RTN3: variants seen among roughly 807,000 people sequenced by gnomAD.
RTN3 encodes the protein reticulon-3.
A neutral mutation model predicts 77.8 loss-of-function variants in RTN3; 49 were observed. The observed-to-expected ratio is 0.63, with a 90% CI of 0.50 to 0.80. The LOEUF is 0.80. Ranked by LOEUF, RTN3 falls within the 30% of genes least tolerant of loss-of-function variation. The pLI is 0.00. For synonymous variants in RTN3, 464 were observed against 446.9 expected (o/e 1.04, Z -0.48); for missense variants, 1,236 against 1,211.9 (o/e 1.02, Z -0.29).
chr11:63,692,739 T>A (rs1478515877), intron 1 of RTN3, among the ~76,000 whole-genome samples: 1 of 150,930 alleles, frequency 6.6e-6, no homozygotes, highest in Admixed American at 6.6e-5. Flanking sequence ...TCAGCCTGGG[T>A]GACAGAGCGA....
intron 2 of RTN3, among the ~76,000 whole-genome samples, chr11:63,718,421 A>G (rs1231815777): frequency 6.6e-6 from 1 of 152,196 alleles, no homozygotes; most frequent in East Asian, 1.9e-4. Flanking sequence ...CTTTCTCTGT[A>G]CAATGGAAAA....
intron 3 of RTN3, among the ~76,000 whole-genome samples, chr11:63,735,297 A>G (rs2013013907): frequency 6.6e-6 from 1 of 152,098 alleles, no homozygotes; most frequent in African/African-American, 2.4e-5. Flanking sequence ...GACCTAGAAA[A>G]TTATTTTTTT....
intron 3 of RTN3, among the ~76,000 whole-genome samples, chr11:63,735,602 T>TCTCTCTCTCTCTCTC (rs1555078117): frequency 2.4e-4 from 6 of 25,048 alleles, no homozygotes; most frequent in African/African-American, 3.9e-4. Flanking sequence ...CTCTCTCTCT[T>TCTCTCTCTCTCTCTC]TCTTTCAACC....
chr11:63,692,923 AT>A (rs1941741100), intron 1 of RTN3, among the ~76,000 whole-genome samples: 2 of 151,548 alleles, frequency 1.3e-5, no homozygotes, highest in African/African-American at 4.8e-5. Context: ...TTTGAGACCT[AT>A]TAAAAAAGTT....
chr11:63,750,789 C>T (rs543763685), intron 4 of RTN3, among the ~76,000 whole-genome samples: 19 of 151,160 alleles, frequency 1.3e-4, no homozygotes, highest in Admixed American at 2.6e-4. Context: ...TGGAGTGCAG[C>T]GGTGCAATCT....
In RTN3 at chr11:63,720,273, T is replaced by A. The variant is rs749683877; in HGVS notation, c.1771T>A (p.Ser591Thr). 3 of 1,613,504 alleles carry A rather than the reference T, an allele frequency of 1.9e-6. No homozygotes were observed. Among genetic ancestry groups the A allele is most frequent in the Admixed American group, 3.3e-5 (2 of 59,872 alleles). Residue 591 changes from serine to threonine, a missense_variant, in exon 3 of 9, where the codon TCC becomes ACC. Around this residue, in one of 3 missense-constraint regions of RTN3, gnomAD observed 1,056 missense variants for 990.4 expected, o/e 1.07. Coordinates refer to ENST00000377819, the MANE Select transcript of RTN3 (RefSeq NM_001265589.2). ...ACSKVPDTNV[S>T]LEDVSEVAPE... ...TTCAAAAGTACCCGATACGAATGTC[T>A]CCTTAGAAGATGTGAGTGAAGTTGC...
At chr11:63,707,056 G>A (rs1182010437) in intron 2 of RTN3, among the ~76,000 whole-genome samples, 8 of 151,690 alleles carry the variant, frequency 5.3e-5, no homozygotes, top group Non-Finnish European at 1.0e-4. Flanking sequence ...GCACCACCAC[G>A]CCCAGCTAAT....
intron 2 of RTN3, among the ~76,000 whole-genome samples, chr11:63,711,993 G>T (rs1280794211): frequency 1.3e-5 from 2 of 152,230 alleles, no homozygotes; most frequent in African/African-American, 4.8e-5. Context: ...CACTATGCCA[G>T]GCTGGGCTCT....
At position 63,750,382 on chromosome 11, in the gene RTN3, A is replaced by AACATT. The variant is rs1438750576; in HGVS notation, c.2738+185_2738+186insCATTA. The AACATT allele has an allele frequency of 8.5e-6, 5 of 586,624 alleles. No homozygotes were observed. In the Admixed American group the frequency reaches 1.6e-4, roughly 19 times the overall value. 36.3% of individuals were successfully genotyped at this position (586,624 alleles called of 1,614,324 possible). On this transcript the variant is annotated intron_variant, in intron 4 of 8. Transcript: ENST00000377819. The stretch of plus-strand genomic sequence containing the variant: ...TTAAGAAGTGGCCAAGTTAGAAGCC[A>AACATT]AGAACTTTTTGACAAATTAGAGGCT...
intron 1 of RTN3, among the ~76,000 whole-genome samples, chr11:63,689,844 G>A (rs1296545643): frequency 6.6e-6 from 1 of 151,422 alleles, no homozygotes; most frequent in African/African-American, 2.4e-5. Flanking sequence ...TGCAACCTCC[G>A]CCCCCCGGGT....
chr11:63,713,314 C>T (rs912775910), intron 2 of RTN3, among the ~76,000 whole-genome samples: 30 of 151,970 alleles, frequency 2.0e-4, no homozygotes, highest in African/African-American at 6.8e-4. Flanking sequence ...TACCATATAT[C>T]GATTCTCACC....
At chr11:63,705,814 A>G (rs1027788081) in intron 2 of RTN3, among the ~76,000 whole-genome samples, 4 of 152,186 alleles carry the variant, frequency 2.6e-5, no homozygotes, top group Non-Finnish European at 2.9e-5. Flanking sequence ...TTAATCTGTC[A>G]GTCTGTAGGG....
At position 63,719,457 on chromosome 11, in the gene RTN3, A is replaced by G. The variant is rs773040888; in HGVS notation, c.955A>G (p.Asn319Asp). The change falls in exon 3 of 9, where the codon AAT becomes GAT. Residue 319 changes from asparagine to aspartate, a missense_variant. By Grantham distance (23) the Asn-to-Asp change is conservative. Transcript: ENST00000377819. ...GCTCAGTAGGCAGTTTTCACACACAAATGCAGCACTGGAAGAGGTGTCCAG... is the reference window on the plus strand; with the variant it reads ...GCTCAGTAGGCAGTTTTCACACACAGATGCAGCACTGGAAGAGGTGTCCAG... The part of the protein sequence containing the change: ...ALLSRQFSHT[N>D]AALEEVSRCV... 1.2e-6 allele frequency: 2 copies of G among 1,614,144 alleles called. No homozygotes were observed. Among genetic ancestry groups the G allele is most frequent in the African/African-American group, 1.3e-5 (1 of 75,032 alleles).
intron 1 of RTN3, among the ~76,000 whole-genome samples, chr11:63,690,035 C>T (rs1052844025): frequency 3.9e-5 from 6 of 152,092 alleles, no homozygotes; most frequent in African/African-American, 1.4e-4. Context: ...GCTGGGATTA[C>T]AGATGTGAGC....
intron 3 of RTN3, among the ~76,000 whole-genome samples, chr11:63,727,976 G>A (rs999996460): frequency 6.6e-6 from 1 of 152,042 alleles, no homozygotes; most frequent in Admixed American, 6.6e-5. Context: ...TGTATGTGTC[G>A]GGGTCCCCAA....
Position 63,718,978 on chromosome 11 carries a change from C to T in RTN3, c.476C>T (p.Pro159Leu). 2 of 1,614,112 alleles carry T rather than the reference C, an allele frequency of 1.2e-6. No individual in the cohort carries two copies. The highest frequency in any genetic ancestry group is 1.7e-6 in the Non-Finnish European group (2 of 1,180,020). The change falls in exon 3 of 9, where the codon CCA (proline) becomes CTA (leucine). Residue 159 changes from proline to leucine, a missense_variant. By Grantham distance (98) the Pro-to-Leu change is moderately conservative. Around this residue, in one of 3 missense-constraint regions of RTN3, gnomAD observed 1,056 missense variants for 990.4 expected, o/e 1.07. Coordinates refer to ENST00000377819, the MANE Select transcript of RTN3 (RefSeq NM_001265589.2). ...AGVHCDRPSI[P>L]ASFPEHPAFL... Reference sequence around the variant, plus strand: ...GTTCATTGTGACCGTCCTTCTATTCCAGCCAGTTTCCCAGAGCATCCTGCT... The same window carrying T: ...GTTCATTGTGACCGTCCTTCTATTCTAGCCAGTTTCCCAGAGCATCCTGCT...
chr11:63,685,713 C>G (rs1379241336), intron 1 of RTN3, among the ~76,000 whole-genome samples: 1 of 152,046 alleles, frequency 6.6e-6, no homozygotes, highest in Non-Finnish European at 1.5e-5. Flanking sequence ...GTACGTATTG[C>G]TGTCATCCTC....
chr11:63,694,684 A>G (rs1941846052), intron 1 of RTN3, among the ~76,000 whole-genome samples: 1 of 150,062 alleles, frequency 6.7e-6, no homozygotes, highest in Non-Finnish European at 1.5e-5. Context: ...TCTTGACCTC[A>G]TAAGCTCAAG....
chr11:63,704,892 T>C lies in RTN3; in HGVS notation c.184T>C (p.Phe62Leu). 1 of 1,611,846 alleles carries C rather than the reference T, an allele frequency of 6.2e-7. No homozygotes were observed. The highest frequency in any genetic ancestry group is 8.5e-7 in the Non-Finnish European group (1 of 1,178,178). ...SSSSSQPVSLFSTSQEGLSSL... is the reference protein window; with the variant it reads ...SSSSSQPVSLLSTSQEGLSSL... ...CTCTTCCTCTCAGCCTGTATCTCTA[T>C]TTTCGACCTCACAAGGCAAGTCTGT... The change falls in exon 2 of 9, where the codon TTT becomes CTT. Residue 62 changes from phenylalanine (F) to leucine (L), a missense_variant. Coordinates refer to ENST00000377819, the MANE Select transcript of RTN3 (RefSeq NM_001265589.2).
Sources: allele counts gnomAD v4.1 joint callset (sites outside exome capture counted in the v4.1 genomes callset), GRCh38; gene constraint gnomAD v4.1.1; regional missense constraint gnomAD v4.1.1; transcripts MANE v1.5; gene names NCBI Gene and HGNC (gene_info 2026-07-23, HGNC 2026-07-21).